CAND1: variants seen among roughly 807,000 people sequenced by gnomAD.
The protein encoded by CAND1 is cullin-associated NEDD8-dissociated protein 1.
CAND1 carries 7 observed loss-of-function variants against 108.5 expected under a neutral mutation model. That is an observed-to-expected ratio of 0.06 (90% CI 0.04 to 0.12). CAND1 has a LOEUF of 0.12. Among genes scored for constraint, CAND1 ranks in the 10% least tolerant of loss-of-function variants. The pLI, the probability that CAND1 is intolerant of heterozygous loss-of-function variation, is 1.00. For synonymous variants in CAND1, 534 were observed against 512.0 expected (o/e 1.04, Z -0.58); for missense variants, 941 against 1,448.7 (o/e 0.65, Z 5.69).
rs895252849 is a variant in CAND1, at chr12:67,269,427, C to T, written c.-291C>T. On this transcript the variant is annotated 5_prime_UTR_variant, in exon 1 of 15. Transcript: ENST00000545606. ...GCCCTGAGTGGAAGTGTCTGGCTCC[C>T]CGTAGAGGCCCTTCTGTACGCCCCG... 2.6e-4 allele frequency: 113 copies of T among 434,750 alleles called. No homozygotes were observed. The highest frequency in any genetic ancestry group is 4.9e-5 in the Non-Finnish European group (12 of 246,656). 26.9% of individuals were successfully genotyped at this position (434,750 alleles called of 1,614,324 possible). A position where few individuals can be genotyped will look rare whatever the true frequency, so the allele number is the denominator to read the frequency against.
chr12:67,301,083 T>C (rs2044820557), intron 7 of CAND1, among the ~76,000 whole-genome samples: 1 of 152,162 alleles, frequency 6.6e-6, no homozygotes, highest in Admixed American at 6.5e-5. Context: ...GCAATTGCCA[T>C]AGTGTATTGA....
chr12:67,292,238 T>C (rs1310412102), intron 2 of CAND1, among the ~76,000 whole-genome samples: 1 of 152,114 alleles, frequency 6.6e-6, no homozygotes, highest in Non-Finnish European at 1.5e-5. Context: ...CTCAGGAGGC[T>C]GAAGTGGGAG....
intron 2 of CAND1, among the ~76,000 whole-genome samples, chr12:67,287,155 T>A (rs945592627): frequency 6.6e-6 from 1 of 152,176 alleles, no homozygotes; most frequent in Admixed American, 6.6e-5. Flanking sequence ...TTTAGCAGCA[T>A]CCCTGGCCAA....
chr12:67,294,783 T>C (rs555720648), intron 3 of CAND1, among the ~76,000 whole-genome samples: 1 of 152,306 alleles, frequency 6.6e-6, no homozygotes, highest in East Asian at 1.9e-4. Context: ...AAGATGTGTT[T>C]TTCTCCCACA....
In CAND1 at chr12:67,295,179, G is replaced by A. The variant is rs374442070; in HGVS notation, c.491+23G>A. The A allele has an allele frequency of 6.8e-4, 1,094 of 1,597,368 alleles. 17 individuals carry two copies. In the South Asian group the frequency reaches 8.8e-3, roughly 13 times the overall value. On this transcript the variant is annotated intron_variant, in intron 4 of 14. Coordinates refer to ENST00000545606, the MANE Select transcript of CAND1 (RefSeq NM_018448.5). Reference sequence around the variant, plus strand: ...CAGGTAAGTGTGCCTGTTTATTTCCGTTACTCGTAATACAGATAACTACAT... The same window carrying A: ...CAGGTAAGTGTGCCTGTTTATTTCCATTACTCGTAATACAGATAACTACAT...
At position 67,311,881 on chromosome 12, in the gene CAND1, A is replaced by G. The variant is rs1251396752; in HGVS notation, c.3468+81A>G. ...CCAATTCTTTTCTCTAGCTTTCCAA[A>G]TATAACTATTCCAGTGCTCTGTGTA... On this transcript the variant is annotated intron_variant, in intron 14 of 14. Transcript: ENST00000545606. The G allele has an allele frequency of 1.2e-5, 10 of 807,966 alleles. No individual in the cohort carries two copies. The Admixed American group carries it at 1.8e-4, about 14-fold the overall frequency. 50.0% of individuals were successfully genotyped at this position (807,966 alleles called of 1,614,324 possible).
At chr12:67,291,174 A>G (rs572919674) in intron 2 of CAND1, among the ~76,000 whole-genome samples, 5 of 152,326 alleles carry the variant, frequency 3.3e-5, no homozygotes, top group South Asian at 2.1e-4. Context: ...TCCTCAAGAA[A>G]TGGTTCAATT....
Position 67,310,233 on chromosome 12 carries a change from C to G in CAND1, c.3277C>G (p.Leu1093Val). The G allele has an allele frequency of 6.2e-7, 1 of 1,612,032 alleles. No homozygotes were observed. ...AGCATTTGAGTGTATGTACACACTT[C>G]TAGACAGTTGTCTTGATAGACTTGA... Reference protein sequence around the residue: ...KAAFECMYTLLDSCLDRLDIF... With the variant: ...KAAFECMYTLVDSCLDRLDIF... Residue 1093 changes from leucine (L) to valine (V), a missense_variant, in exon 13 of 15, where the codon CTA becomes GTA. Around this residue, in one of 9 missense-constraint regions of CAND1, gnomAD observed 14 missense variants for 16.2 expected, o/e 0.87. Coordinates refer to ENST00000545606, the MANE Select transcript of CAND1 (RefSeq NM_018448.5).
intron 9 of CAND1, among the ~76,000 whole-genome samples, 163 bp downstream of exon 9, chr12:67,304,909 A>C (rs1216407946): frequency 2.6e-5 from 4 of 152,222 alleles, no homozygotes; most frequent in African/African-American, 9.7e-5. Context: ...CTGAAGTTAG[A>C]AATTTGTAAG....
intron 7 of CAND1, among the ~76,000 whole-genome samples, chr12:67,300,420 T>C (rs1303139332): frequency 2.0e-5 from 3 of 152,134 alleles, no homozygotes; most frequent in South Asian, 4.1e-4. Context: ...TTAATTAATA[T>C]TGCTGCTTGG....
chr12:67,306,672 A>G (rs922810272), intron 10 of CAND1, 75 bp downstream of exon 10: 1 of 1,129,432 alleles, frequency 8.9e-7, no homozygotes, highest in Non-Finnish European at 1.3e-6. Flanking sequence ...CTAATAAAGA[A>G]GTTAAGCCAT....
Position 67,315,722 on chromosome 12 carries a change from G to A in CAND1, c.*2892G>A, listed in dbSNP as rs2045001852. Reference sequence around the variant, plus strand: ...TCTTTTTTTCTTCATACTTTTCTTCGGTAAATAGTGAAGAAATAATGGGCA... The same window carrying A: ...TCTTTTTTTCTTCATACTTTTCTTCAGTAAATAGTGAAGAAATAATGGGCA... On this transcript the variant is annotated 3_prime_UTR_variant, in exon 15 of 15. Coordinates refer to ENST00000545606, the MANE Select transcript of CAND1 (RefSeq NM_018448.5). The A allele has an allele frequency of 5.3e-5, 8 of 151,680 alleles. No homozygotes were observed. The South Asian group carries it at 1.7e-3, about 32-fold the overall frequency. 9.4% of individuals were successfully genotyped at this position (151,680 alleles called of 1,614,324 possible).
chr12:67,276,168 C>T lies in CAND1; in HGVS notation c.69-5742C>T, dbSNP rs1266255692. On this transcript the variant is annotated intron_variant, in intron 1 of 14. Coordinates refer to ENST00000545606, the MANE Select transcript of CAND1 (RefSeq NM_018448.5). ...CCTATATACTGCAGCTGATCATTGC[C>T]TCCCTCACTAATTTCCATTGACTAC... Among the ~76,000 whole-genome samples the T allele has an allele frequency of 2.0e-5, 3 of 152,142 alleles. No homozygotes were observed. In the East Asian group the frequency reaches 5.8e-4, roughly 29 times the overall value.
At chr12:67,273,952 G>A (rs2044546676) in intron 1 of CAND1, among the ~76,000 whole-genome samples, 1 of 152,044 alleles carries the variant, frequency 6.6e-6, no homozygotes, top group South Asian at 2.1e-4. Context: ...TAATAATCTC[G>A]TTTACAGTTG....
Position 67,306,296 on chromosome 12 carries a change from A to C in CAND1, c.2628A>C (p.Ala876=). ...SSPSEEVKSA[A]SYALGSISVG... is the part of the protein sequence containing the mutation. ...CTAGTGAAGAAGTCAAATCAGCTGC[A>C]TCCTATGCATTAGGCAGCATTAGTG... Residue 876 remains alanine, a synonymous_variant, in exon 10 of 15, where the codon GCA becomes GCC. Coordinates refer to ENST00000545606, the MANE Select transcript of CAND1 (RefSeq NM_018448.5). 6.2e-7 allele frequency: 1 copy of C among 1,614,148 alleles called. No individual in the cohort carries two copies. Among genetic ancestry groups the C allele is most frequent in the Non-Finnish European group, 8.5e-7 (1 of 1,179,996 alleles).
chr12:67,304,968 G>A, intron 9 of CAND1, 136 bp from the exon 10 acceptor site: 1 of 892,152 alleles, frequency 1.1e-6, no homozygotes, highest in East Asian at 2.7e-5. Context: ...AATATTTATT[G>A]TAGATGGTGA....
chr12:67,306,771 TTGTTTTAAAGGATAG>T (rs1244832334), intron 10 of CAND1, among the ~76,000 whole-genome samples, 174 bp downstream of exon 10: 2 of 152,168 alleles, frequency 1.3e-5, no homozygotes, highest in African/African-American at 4.8e-5. Flanking sequence ...TGACATTTTG[TTGTTTTAAAGGATAG>T]TGTGGTAATT....
At position 67,299,081 on chromosome 12, in the gene CAND1, A is replaced by G. The variant is rs746618717; in HGVS notation, c.986A>G (p.Asp329Gly). The G allele has an allele frequency of 5.2e-6, 8 of 1,529,212 alleles. No homozygotes were observed. Among genetic ancestry groups the G allele is most frequent in the Middle Eastern group, 1.7e-4 (1 of 5,788 alleles). The allele number at this position is 1,529,212 out of a possible 1,614,324, so 94.7% of individuals were successfully genotyped here. ...AATGCAATGGATGCTGATGGTGGTG[A>G]TGATGATGATCAAGGTATTGCAAAT... ...DENAMDADGG[D>G]DDDQGSDDEY... The change falls in exon 7 of 15, where the codon GAT becomes GGT. Residue 329 changes from aspartate to glycine, a missense_variant. Physicochemically the swap from Asp to Gly is moderately conservative, Grantham distance 94. Transcript: ENST00000545606.
rs370540770 is a variant in CAND1, at chr12:67,319,855, T to G, written c.*7025T>G. 8.5e-5 allele frequency: 13 copies of G among 152,344 alleles called. No individual in the cohort carries two copies. Among genetic ancestry groups the G allele is most frequent in the Admixed American group, 2.6e-4 (4 of 15,312 alleles). The allele number at this position is 152,344 out of a possible 1,614,324, so 9.4% of individuals were successfully genotyped here. A position where few individuals can be genotyped will look rare whatever the true frequency, so the allele number is the denominator to read the frequency against. On this transcript the variant is annotated 3_prime_UTR_variant, in exon 15 of 15. Coordinates refer to ENST00000545606, the MANE Select transcript of CAND1 (RefSeq NM_018448.5). Reference sequence around the variant, plus strand: ...CAGAATTTCCAAAATTCTTGGGCCTTCCTTCTTGCTCTATATATGGTTTTG... The same window carrying G: ...CAGAATTTCCAAAATTCTTGGGCCTGCCTTCTTGCTCTATATATGGTTTTG...
Sources: allele counts gnomAD v4.1 joint callset (sites outside exome capture counted in the v4.1 genomes callset), GRCh38; gene constraint gnomAD v4.1.1; regional missense constraint gnomAD v4.1.1; transcripts MANE v1.5; gene names NCBI Gene and HGNC (gene_info 2026-07-23, HGNC 2026-07-21).